The following HMCN1 variants were observed in gnomAD, a reference collection of about 807,000 sequenced individuals.
HMCN1 encodes hemicentin-1.
A neutral mutation model predicts 625.9 loss-of-function variants in HMCN1; 321 were observed. The observed-to-expected ratio is 0.51, with a 90% CI of 0.47 to 0.56. The LOEUF is 0.56. HMCN1 is among the 20% of genes least tolerant of loss of function. HMCN1 has a pLI of 0.00. For missense variants in HMCN1, 6,588 were observed against 6,887.3 expected (o/e 0.96, Z 1.54); for synonymous variants, 2,425 against 2,417.6 (o/e 1.00, Z -0.09).
intron 1 of HMCN1, among the ~76,000 whole-genome samples, chr1:185,774,804 T>C (rs896886110): frequency 6.6e-6 from 1 of 152,182 alleles, no homozygotes; most frequent in African/African-American, 2.4e-5. Context: ...TAGAAATACA[T>C]TCATATGACT....
intron 22 of HMCN1, among the ~76,000 whole-genome samples, chr1:185,991,603 A>G (rs1161393259): frequency 2.0e-5 from 3 of 152,104 alleles, no homozygotes; most frequent in Non-Finnish European, 4.4e-5. Flanking sequence ...TTTATCTACT[A>G]TTATACAAAG....
At chr1:186,061,099 C>G (rs1657660613) in intron 46 of HMCN1, among the ~76,000 whole-genome samples, 1 of 152,072 alleles carries the variant, frequency 6.6e-6, no homozygotes, top group Non-Finnish European at 1.5e-5. Context: ...TACTTTCTAC[C>G]TCTATCTATC....
intron 2 of HMCN1, among the ~76,000 whole-genome samples, chr1:185,860,410 T>A (rs1662793992): frequency 6.6e-6 from 1 of 152,180 alleles, no homozygotes; most frequent in Admixed American, 6.5e-5. Flanking sequence ...AGAGCACTCC[T>A]AAAGGATATA....
chr1:185,801,076 A>G (rs1658762536), intron 1 of HMCN1, among the ~76,000 whole-genome samples: 1 of 152,220 alleles, frequency 6.6e-6, no homozygotes, highest in South Asian at 2.1e-4. Flanking sequence ...AACACCTGAT[A>G]TAACGACTGT....
chr1:186,106,859 G>T (rs1344017075), intron 69 of HMCN1, 25 bp from the exon 70 acceptor site: 4 of 1,446,348 alleles, frequency 2.8e-6, no homozygotes, highest in Non-Finnish European at 2.9e-6. Flanking sequence ...TTAACATTAT[G>T]TAATTCATTA....
chr1:185,922,466 G>C lies in HMCN1; in HGVS notation c.988G>C (p.Asp330His), dbSNP rs780737748. 2 of 1,613,450 alleles carry C rather than the reference G, an allele frequency of 1.2e-6. No homozygotes were observed. Among genetic ancestry groups the C allele is most frequent in the South Asian group, 2.2e-5 (2 of 91,018 alleles). Residue 330 changes from aspartate (D) to histidine (H), a missense_variant, in exon 7 of 107, where the codon GAC (aspartate) becomes CAC (histidine). Asp to His is a moderately conservative substitution (Grantham distance 81). This residue lies in a region of HMCN1 where 4,628 missense variants were observed against 4,853.1 expected (regional missense o/e 0.95). Transcript: ENST00000271588. ...RAGFSRKPTL[D>H]FKKTVSRPVQ... ...TGGCTTTTCTCGAAAGCCCACCCTG[G>C]ACTTCAAAAAAACAGTCAGCAGACC...
chr1:186,084,854 G>C (rs1659378345), intron 57 of HMCN1, among the ~76,000 whole-genome samples: 1 of 151,962 alleles, frequency 6.6e-6, no homozygotes, highest in Admixed American at 6.6e-5. Flanking sequence ...ATATGTGCTT[G>C]CTACCATTTT....
chr1:186,160,290 G>C, intron 97 of HMCN1, among the ~76,000 whole-genome samples: 1 of 142,692 alleles, frequency 7.0e-6, no homozygotes, highest in African/African-American at 2.6e-5. Context: ...TTTTTATTGC[G>C]TCTATTTGAT....
At chr1:185,849,374 G>T (rs1662026573) in intron 2 of HMCN1, among the ~76,000 whole-genome samples, 1 of 152,184 alleles carries the variant, frequency 6.6e-6, no homozygotes, top group East Asian at 1.9e-4. Context: ...TATTTTCTTG[G>T]CTGGGTCATT....
chr1:185,858,777 G>T (rs530732808), intron 2 of HMCN1, among the ~76,000 whole-genome samples: 1 of 149,896 alleles, frequency 6.7e-6, no homozygotes, highest in East Asian at 1.9e-4. Flanking sequence ...TCTTAAGTTT[G>T]GAAATAAAAC....
intron 9 of HMCN1, among the ~76,000 whole-genome samples, chr1:185,927,097 T>C (rs1157959359): frequency 2.6e-5 from 4 of 152,228 alleles, no homozygotes; most frequent in African/African-American, 9.6e-5. Flanking sequence ...TTTCTCATTT[T>C]TAAAAAGGGA....
Position 186,062,677 on chromosome 1 carries a change from A to T in HMCN1, c.7513+77A>T, listed in dbSNP as rs187576199. On this transcript the variant is annotated intron_variant, in intron 48 of 106. Transcript: ENST00000271588. ...ATTGCCTCCACTATATATCTTAAAA[A>T]TTTTTTATATATTTAGGGGGTACAA... The T allele has an allele frequency of 4.5e-3, 4,195 of 936,492 alleles. 35 individuals carry two copies. The highest frequency in any genetic ancestry group is 0.02 in the African/African-American group (1,229 of 60,674). The allele number at this position is 936,492 out of a possible 1,614,324, so 58.0% of individuals were successfully genotyped here. A position where few individuals can be genotyped will look rare whatever the true frequency, so the allele number is the denominator to read the frequency against.
intron 16 of HMCN1, among the ~76,000 whole-genome samples, chr1:185,978,925 C>T (rs2101993052): frequency 6.6e-6 from 1 of 152,292 alleles, no homozygotes; most frequent in African/African-American, 2.4e-5. Flanking sequence ...AAATGATCCA[C>T]CCACATCGTC....
intron 1 of HMCN1, among the ~76,000 whole-genome samples, chr1:185,792,840 T>C (rs1289446366): frequency 6.6e-6 from 1 of 152,220 alleles, no homozygotes; most frequent in African/African-American, 2.4e-5. Context: ...TACAGCAAAC[T>C]ATACCAAAAT....
intron 1 of HMCN1, among the ~76,000 whole-genome samples, chr1:185,742,391 T>G (rs1160160042): frequency 6.6e-6 from 1 of 151,954 alleles, no homozygotes; most frequent in Non-Finnish European, 1.5e-5. Context: ...TTTGGCTGTA[T>G]ATACACAGTG....
intron 4 of HMCN1, among the ~76,000 whole-genome samples, chr1:185,881,109 G>A (rs1453551476): frequency 6.6e-6 from 1 of 152,202 alleles, no homozygotes; most frequent in Non-Finnish European, 1.5e-5. Flanking sequence ...ACAGCTCAGT[G>A]GGCCCTATGC....
intron 2 of HMCN1, among the ~76,000 whole-genome samples, chr1:185,858,586 ATTTTTTTTTTTTTT>A (rs71101980): frequency 3.5e-4 from 12 of 34,746 alleles, no homozygotes; most frequent in African/African-American, 7.7e-4. Flanking sequence ...CACCCAGCTA[ATTTTTTTTTTTTTT>A]TTTTTTTTTT....
intron 105 of HMCN1, 45 bp downstream of exon 105, chr1:186,182,332 A>T: frequency 6.2e-7 from 1 of 1,610,796 alleles, no homozygotes; most frequent in Non-Finnish European, 8.5e-7. Context: ...TTGACTAAAA[A>T]CCAACAGAGA....
intron 36 of HMCN1, among the ~76,000 whole-genome samples, chr1:186,026,625 G>A (rs1316093404): frequency 6.6e-6 from 1 of 152,050 alleles, no homozygotes; most frequent in Non-Finnish European, 1.5e-5. Context: ...TTGAAGTCAG[G>A]ATTTTTTGTT....
Sources: allele counts gnomAD v4.1 joint callset (sites outside exome capture counted in the v4.1 genomes callset), GRCh38; gene constraint gnomAD v4.1.1; regional missense constraint gnomAD v4.1.1; transcripts MANE v1.5; gene names NCBI Gene and HGNC (gene_info 2026-07-23, HGNC 2026-07-21).